PIP5K1C: variants seen among roughly 807,000 people sequenced by gnomAD.
PIP5K1C encodes phosphatidylinositol 4-phosphate 5-kinase type-1 gamma.
In PIP5K1C, 45 loss-of-function variants were observed where a neutral mutation model predicts 80.1. The observed-to-expected ratio is 0.56, with a 90% CI of 0.44 to 0.72. The LOEUF is 0.72. PIP5K1C is among the 30% of genes least tolerant of loss of function. The pLI is 0.00. For synonymous variants in PIP5K1C, 498 were observed against 420.1 expected (o/e 1.19, Z -2.27); for missense variants, 753 against 954.6 (o/e 0.79, Z 2.78).
At chr19:3,652,882 T>C (rs146711249) in intron 7 of PIP5K1C, among the ~76,000 whole-genome samples, 1 of 152,232 alleles carries the variant, frequency 6.6e-6, no homozygotes, top group East Asian at 1.9e-4. Context: ...GGGGGGACTC[T>C]ACCACTGTCA....
rs1323135033 is a variant in PIP5K1C at position 3,637,231 on chromosome 19, G to A, written c.1920+1653C>T. ...AGGGCTGGGTCCAGGGGCAGAGAGG[G>A]GCTCGCTGGGGTCTGGCCGGGGTCC... On this transcript the variant is annotated intron_variant, in intron 16 of 17. Transcript: ENST00000335312. This position sits in a 1 kb window ranked among gnomAD's most constrained non-coding sequence, Gnocchi z 7.0. 4.2e-6 allele frequency: 6 copies of A among 1,441,444 alleles called. No individual in the cohort carries two copies. Among genetic ancestry groups the A allele is most frequent in the Non-Finnish European group, 3.6e-6 (4 of 1,101,570 alleles). 89.3% of individuals were successfully genotyped at this position (1,441,444 alleles called of 1,614,324 possible).
intron 16 of PIP5K1C, among the ~76,000 whole-genome samples, chr19:3,635,790 G>A (rs962785807): frequency 2.0e-5 from 3 of 152,050 alleles, no homozygotes; most frequent in Non-Finnish European, 4.4e-5. Context: ...CCATCCTGGT[G>A]AACACGGTGA....
At chr19:3,697,068 G>A (rs937716608) in intron 1 of PIP5K1C, among the ~76,000 whole-genome samples, 7 of 149,230 alleles carry the variant, frequency 4.7e-5, no homozygotes, top group South Asian at 4.2e-4. Context: ...GGAGGACCGA[G>A]CTGGACCAAG....
intron 3 of PIP5K1C, among the ~76,000 whole-genome samples, chr19:3,664,329 G>A (rs1450199764): frequency 6.6e-6 from 1 of 152,098 alleles, no homozygotes; most frequent in African/African-American, 2.4e-5. Context: ...GTCATTTACT[G>A]CACACTTTAA....
At chr19:3,650,125 A>ACTG in intron 8 of PIP5K1C, 1 of 155,188 alleles carries the variant, frequency 6.4e-6, no homozygotes. Context: ...CTCCTCTGCC[A>ACTG]TCCATGGGAA....
rs758967383 is a variant in PIP5K1C at position 3,645,987 on chromosome 19, A to G, written c.1332T>C (p.Phe444=). 1.6e-5 allele frequency: 26 copies of G among 1,613,216 alleles called. No individual in the cohort carries two copies. The South Asian group carries it at 2.4e-4, about 15-fold the overall frequency. The change falls in exon 11 of 18, where the codon TTT becomes TTC. Residue 444 remains phenylalanine (F), a synonymous_variant. Transcript: ENST00000335312. ...CAGGTGGCTTACAGGAGTTCTTCCG[A>G]AAGACCGTGTTGCTCATGAACTTGA... The part of the protein sequence containing the change: ...RFFKFMSNTV[F]RKNSSLKSSP...
chr19:3,699,675 C>T (rs2036236057), intron 1 of PIP5K1C, among the ~76,000 whole-genome samples: 1 of 152,212 alleles, frequency 6.6e-6, no homozygotes, highest in Non-Finnish European at 1.5e-5. Context: ...GCTGGAGGTC[C>T]AGGAAGCAGC....
chr19:3,650,251 C>T (rs942494858), intron 8 of PIP5K1C, among the ~76,000 whole-genome samples: 1 of 152,246 alleles, frequency 6.6e-6, no homozygotes, highest in Non-Finnish European at 1.5e-5. Flanking sequence ...TTCGTGGCTG[C>T]ACTGGGGAAG....
chr19:3,686,292 C>T (rs1251327258), intron 1 of PIP5K1C, among the ~76,000 whole-genome samples: 2 of 151,858 alleles, frequency 1.3e-5, no homozygotes, highest in African/African-American at 4.8e-5. Flanking sequence ...TGGTGGCGGG[C>T]GCCTGTAGTC....
chr19:3,631,217 G>A lies in PIP5K1C; in HGVS notation c.*1950C>T, dbSNP rs1052371477. The A allele has an allele frequency of 4.6e-5, 7 of 152,312 alleles. No homozygotes were observed. Among genetic ancestry groups the A allele is most frequent in the African/African-American group, 1.7e-4 (7 of 41,470 alleles). The allele number at this position is 152,312 out of a possible 1,614,324, so 9.4% of individuals were successfully genotyped here. A position where few individuals can be genotyped will look rare whatever the true frequency, so the allele number is the denominator to read the frequency against. ...ACCTGCTGCTCCGAGTCACCCCACA[G>A]GCTCTTGGCGTCTCTGGTGCCAGGG... is the stretch of plus-strand genomic sequence containing the variant. On this transcript the variant is annotated 3_prime_UTR_variant, in exon 18 of 18. Coordinates refer to ENST00000335312, the MANE Select transcript of PIP5K1C (RefSeq NM_012398.3).
intron 1 of PIP5K1C, among the ~76,000 whole-genome samples, chr19:3,673,231 G>A (rs2035266136): frequency 6.6e-6 from 1 of 152,078 alleles, no homozygotes; most frequent in African/African-American, 2.4e-5. Flanking sequence ...CGGTGCCTCT[G>A]CCTGGCCTGC....
At chr19:3,669,916 A>G (rs2035145840) in intron 1 of PIP5K1C, 1 of 152,384 alleles carries the variant, frequency 6.6e-6, no homozygotes, top group South Asian at 2.1e-4. Flanking sequence ...TGCCGGAGAC[A>G]AGACGAAGGC....
At chr19:3,700,206 C>T in intron 1 of PIP5K1C, 91 bp downstream of exon 1, 1 of 719,472 alleles carries the variant, frequency 1.4e-6, no homozygotes, top group Non-Finnish European at 1.8e-6. Flanking sequence ...CCGCAGCGAC[C>T]GTGCAGCCCC....
chr19:3,643,697 C>T (rs1046815241), intron 12 of PIP5K1C, among the ~76,000 whole-genome samples: 2 of 151,194 alleles, frequency 1.3e-5, no homozygotes, highest in Non-Finnish European at 3.0e-5. Context: ...CCTTCCCCTC[C>T]GCGCTGCTTG....
intron 2 of PIP5K1C, among the ~76,000 whole-genome samples, chr19:3,666,066 GGCCACCCTCCACCCGC>G (rs911762600): frequency 2.0e-4 from 30 of 152,218 alleles, no homozygotes; most frequent in South Asian, 1.2e-3. Context: ...CCGCCACCCG[GGCCACCCTCCACCCGC>G]GCCACCCTCC....
At chr19:3,676,165 T>C (rs1042676059) in intron 1 of PIP5K1C, among the ~76,000 whole-genome samples, 8 of 152,106 alleles carry the variant, frequency 5.3e-5, no homozygotes, top group African/African-American at 1.7e-4. Context: ...TGACCGTCTC[T>C]AACCCATACA....
At chr19:3,675,236 T>C (rs1171524565) in intron 1 of PIP5K1C, among the ~76,000 whole-genome samples, 1 of 152,186 alleles carries the variant, frequency 6.6e-6, no homozygotes, top group Non-Finnish European at 1.5e-5. Context: ...GTAAGACACT[T>C]TCAAAGAGTG....
intron 1 of PIP5K1C, among the ~76,000 whole-genome samples, chr19:3,687,820 C>T (rs572985034): frequency 6.6e-6 from 1 of 152,226 alleles, no homozygotes; most frequent in African/African-American, 2.4e-5. Flanking sequence ...AGAGTGATCG[C>T]TTTCCCCGCA....
chr19:3,700,253 G>A, intron 1 of PIP5K1C, 44 bp downstream of exon 1: 2 of 1,084,788 alleles, frequency 1.8e-6, no homozygotes, highest in African/African-American at 1.7e-5. Flanking sequence ...CTCGGCGCTC[G>A]GACGAGCCCA....
Sources: gnomAD v4.1 joint callset for allele counts (sites outside exome capture counted in the v4.1 genomes callset) on GRCh38, gnomAD v4.1.1 for gene constraint, Gnocchi (gnomAD v3.1) non-coding constraint, MANE v1.5 for transcripts, NCBI Gene and HGNC (gene_info 2026-07-23, HGNC 2026-07-21) for gene names.